Variants in ZFHX3 observed in about 807,000 individuals in gnomAD.
ZFHX3 encodes zinc finger homeobox protein 3.
ZFHX3 carries 42 observed loss-of-function variants against 279.1 expected under a neutral mutation model. That is an observed-to-expected ratio of 0.15 (90% CI 0.12 to 0.19). ZFHX3 has a LOEUF of 0.19. ZFHX3 is among the 10% of genes least tolerant of loss of function. The pLI, the probability that ZFHX3 is intolerant of heterozygous loss-of-function variation, is 1.00. For synonymous variants in ZFHX3, 2,293 were observed against 1,957.8 expected (o/e 1.17, Z -4.52); for missense variants, 4,981 against 4,754.0 (o/e 1.05, Z -1.40).
At chr16:73,025,134 G>A (rs1964451541) in intron 1 of ZFHX3, among the ~76,000 whole-genome samples, 2 of 152,222 alleles carry the variant, frequency 1.3e-5, no homozygotes, top group African/African-American at 2.4e-5. Flanking sequence ...TTTAGCACTT[G>A]TTGAAAGAAG....
chr16:73,833,736 C>T (rs1056470144), intron 1 of ZFHX3, among the ~76,000 whole-genome samples: 3 of 151,514 alleles, frequency 2.0e-5, no homozygotes, highest in Non-Finnish European at 2.9e-5. Context: ...ACATGTATCC[C>T]AGAACTGAAA....
intron 5 of ZFHX3, among the ~76,000 whole-genome samples, chr16:73,197,924 GTTTTTTTT>G (rs71156148): frequency 2.2e-4 from 12 of 53,784 alleles, no homozygotes; most frequent in African/African-American, 4.2e-4. Flanking sequence ...TGATTTGGTG[GTTTTTTTT>G]TTTTTTTTTT....
intron 4 of ZFHX3, among the ~76,000 whole-genome samples, chr16:73,316,384 A>C (rs2015448444): frequency 1.3e-5 from 2 of 150,480 alleles, no homozygotes; most frequent in South Asian, 2.1e-4. Context: ...CTTTATGTCC[A>C]CCCCACCCTC....
chr16:72,816,519 C>A (rs2036609873), intron 5 of ZFHX3, among the ~76,000 whole-genome samples: 1 of 152,224 alleles, frequency 6.6e-6, no homozygotes, highest in South Asian at 2.1e-4. Context: ...GGATTCCATG[C>A]CACACAGACT....
chr16:73,546,384 C>T (rs1410555651), intron 2 of ZFHX3, among the ~76,000 whole-genome samples: 1 of 151,316 alleles, frequency 6.6e-6, no homozygotes, highest in Non-Finnish European at 1.5e-5. Flanking sequence ...TACTGAGCCC[C>T]GGGCAGCTAG....
intron 2 of ZFHX3, among the ~76,000 whole-genome samples, chr16:73,582,414 T>G (rs1475703703): frequency 6.6e-6 from 1 of 151,638 alleles, no homozygotes; most frequent in Non-Finnish European, 1.5e-5. Context: ...CTTCTAACGT[T>G]CTTCACAGTT....
intron 1 of ZFHX3, among the ~76,000 whole-genome samples, chr16:73,793,385 G>A (rs967432724): frequency 1.3e-5 from 2 of 152,208 alleles, no homozygotes; most frequent in Non-Finnish European, 2.9e-5. Flanking sequence ...TGTTGGTCAC[G>A]TGAGACAATG....
chr16:73,282,160 C>T (rs2014473908), intron 4 of ZFHX3, among the ~76,000 whole-genome samples: 1 of 152,190 alleles, frequency 6.6e-6, no homozygotes, highest in African/African-American at 2.4e-5. Flanking sequence ...CCCCACTCCA[C>T]AGGTGCATTT....
At chr16:72,896,119 C>T (rs779442066) in intron 3 of ZFHX3, among the ~76,000 whole-genome samples, 3 of 152,144 alleles carry the variant, frequency 2.0e-5, no homozygotes, top group Admixed American at 6.5e-5. Context: ...TGCTGTGCAG[C>T]GGATAACAGA....
intron 2 of ZFHX3, among the ~76,000 whole-genome samples, chr16:73,603,496 G>A (rs62042979): frequency 0.55 from 82,821 of 151,338 alleles, 25,936 homozygotes; most frequent in East Asian, 0.81. Context: ...GAAAGTTGGT[G>A]AGACGTGCTC....
chr16:73,291,060 C>T (rs954916080), intron 4 of ZFHX3, among the ~76,000 whole-genome samples: 15 of 152,158 alleles, frequency 9.9e-5, no homozygotes, highest in South Asian at 2.1e-4. Flanking sequence ...AAGTTGACCT[C>T]GCCTGCCACA....
intron 1 of ZFHX3, among the ~76,000 whole-genome samples, chr16:72,982,931 T>C (rs1962673194): frequency 6.6e-6 from 1 of 152,128 alleles, no homozygotes; most frequent in Non-Finnish European, 1.5e-5. Context: ...TCAGAGGAGC[T>C]CATGTCAACG....
At chr16:73,059,524 T>TTCTCTTTCTC (rs869084712) in exon 1 of ZFHX3, 3 of 103,246 alleles carry the variant, frequency 2.9e-5, no homozygotes, top group Non-Finnish European at 5.6e-5. Flanking sequence ...ATTTTCCCCT[T>TTCTCTTTCTC]TCTCTCTCTC....
chr16:73,539,886 G>A (rs1298443810), intron 2 of ZFHX3, among the ~76,000 whole-genome samples: 1 of 152,166 alleles, frequency 6.6e-6, no homozygotes, highest in Non-Finnish European at 1.5e-5. Flanking sequence ...GCAAGAAATT[G>A]CTTTTCGACG....
Position 73,516,218 on chromosome 16 carries a change from T to G in ZFHX3, c.-1546-59960A>C, listed in dbSNP as rs1008196574. Among the ~76,000 whole-genome samples, 11 of 152,262 alleles carry G rather than the reference T, an allele frequency of 7.2e-5. No individual in the cohort carries two copies. In the South Asian group the frequency reaches 1.5e-3, roughly 20 times the overall value. On this transcript the variant is annotated intron_variant, in intron 2 of 17. Coordinates refer to the ZFHX3 transcript ENST00000641206. ...GAAAAGAGAACCACACTAAATCGCC[T>G]CTTAGAGTTGGGGCTGCACAGCGGG...
At chr16:72,883,213 G>A (rs1010341093) in intron 4 of ZFHX3, among the ~76,000 whole-genome samples, 2 of 152,106 alleles carry the variant, frequency 1.3e-5, no homozygotes, top group Non-Finnish European at 2.9e-5. Context: ...CAAGAACTCT[G>A]TTCCAACAGA....
chr16:73,374,209 T>A (rs1257674510), intron 3 of ZFHX3, among the ~76,000 whole-genome samples: 1 of 152,186 alleles, frequency 6.6e-6, no homozygotes, highest in Non-Finnish European at 1.5e-5. Flanking sequence ...TGTTTGGAAT[T>A]TTTAAACATA....
intron 2 of ZFHX3, among the ~76,000 whole-genome samples, chr16:73,591,138 G>T (rs539483441): frequency 1.8e-3 from 281 of 152,050 alleles, no homozygotes; most frequent in African/African-American, 6.4e-3. Flanking sequence ...AGATCACGAG[G>T]TTAGGAGTTC....
At chr16:73,064,364 C>T (rs1176798974), upstream of ZFHX3, among the ~76,000 whole-genome samples, 1 of 152,106 alleles carries the variant, frequency 6.6e-6, no homozygotes, top group Non-Finnish European at 1.5e-5. Flanking sequence ...AGCAGACCAG[C>T]TGGTCTAGAA....
Sources: gnomAD v4.1 joint callset for allele counts (sites outside exome capture counted in the v4.1 genomes callset) on GRCh38, gnomAD v4.1.1 for gene constraint, MANE v1.5 for transcripts, NCBI Gene and HGNC (gene_info 2026-07-23, HGNC 2026-07-21) for gene names.